The following CSMD2 variants were observed in gnomAD, a reference collection of about 807,000 sequenced individuals.
CSMD2 encodes CUB and sushi domain-containing protein 2.
In CSMD2, 130 loss-of-function variants were observed where a neutral mutation model predicts 398.5. That is an observed-to-expected ratio of 0.33 (90% CI 0.28 to 0.38). The LOEUF (loss-of-function observed/expected upper bound fraction) is 0.38, where lower values mean the gene tolerates loss of function less well. Ranked by LOEUF, CSMD2 falls within the 10% of genes least tolerant of loss-of-function variation. CSMD2 has a pLI of 1.00. For synonymous variants in CSMD2, 1,828 were observed against 1,908.5 expected, an observed-to-expected ratio of 0.96 and a Z score of 1.10; for missense variants, 3,829 against 4,764.9, an observed-to-expected ratio of 0.80 and a Z score of 5.78.
rs193036118 is a variant in CSMD2 at position 33,558,003 on chromosome 1, A to G, written c.8555-81T>C. The G allele has an allele frequency of 3.7e-5, 49 of 1,306,796 alleles. No homozygotes were observed. In the South Asian group the frequency reaches 6.7e-4, roughly 18 times the overall value. 81.0% of individuals were successfully genotyped at this position (1,306,796 alleles called of 1,614,324 possible). A position where few individuals can be genotyped will look rare whatever the true frequency, so the allele number is the denominator to read the frequency against. ...CGAGCAAAACTAGGCAATGAAGCAGACCCTGTCGGGAGGGTGAGCTGGTCC... is the reference window on the plus strand; with the variant it reads ...CGAGCAAAACTAGGCAATGAAGCAGGCCCTGTCGGGAGGGTGAGCTGGTCC... On this transcript the variant is annotated intron_variant, in intron 54 of 70. Transcript: ENST00000373381.
intron 1 of CSMD2, among the ~76,000 whole-genome samples, chr1:34,141,358 G>A (rs753555648): frequency 1.4e-4 from 22 of 152,250 alleles, no homozygotes; most frequent in Non-Finnish European, 2.2e-4. Flanking sequence ...TGCTTGAGAA[G>A]TCAGTAAATG....
chr1:34,124,372 G>A (rs1195214183), intron 1 of CSMD2, among the ~76,000 whole-genome samples: 1 of 152,200 alleles, frequency 6.6e-6, no homozygotes, highest in Non-Finnish European at 1.5e-5. Flanking sequence ...AGAAAGGGAA[G>A]GGCATAGGAG....
chr1:33,533,742 G>T lies in CSMD2; in HGVS notation c.9991+54C>A. 2 of 1,164,900 alleles carry T rather than the reference G, an allele frequency of 1.7e-6. No homozygotes were observed. Among genetic ancestry groups the T allele is most frequent in the Non-Finnish European group, 1.3e-6 (1 of 773,998 alleles). The allele number at this position is 1,164,900 out of a possible 1,614,324, so 72.2% of individuals were successfully genotyped here. ...CAGAGCATTCAAACATGACCCAGAT[G>T]CCCAGCTGGGGCAAGAGGAATTTTC... On this transcript the variant is annotated intron_variant, in intron 63 of 70. Transcript: ENST00000373381. The surrounding 1 kb of genome is among the most constrained non-coding windows in gnomAD (Gnocchi z 4.2).
At chr1:33,532,459 A>G (rs1055956004) in intron 64 of CSMD2, among the ~76,000 whole-genome samples, 2 of 152,122 alleles carry the variant, frequency 1.3e-5, no homozygotes, top group Non-Finnish European at 2.9e-5. Context: ...GTCCTCCCTG[A>G]CTTCTCCTTT....
At chr1:33,686,759 G>T (rs1010865043) in intron 25 of CSMD2, among the ~76,000 whole-genome samples, 6 of 152,194 alleles carry the variant, frequency 3.9e-5, no homozygotes, top group Non-Finnish European at 8.8e-5. Context: ...TGTGCCCCTG[G>T]AAATAGCCTC....
At chr1:33,556,879 T>C (rs1013473311) in intron 55 of CSMD2, among the ~76,000 whole-genome samples, 4 of 152,208 alleles carry the variant, frequency 2.6e-5, no homozygotes, top group Non-Finnish European at 4.4e-5. Flanking sequence ...ACATGTTTGC[T>C]TCTCCTTCCA....
rs1195889419 is a variant in CSMD2 at position 33,622,228 on chromosome 1, G to A, written c.5766C>T (p.Leu1922=). 1.2e-6 allele frequency: 2 copies of A among 1,614,152 alleles called. No homozygotes were observed. Among genetic ancestry groups the A allele is most frequent in the South Asian group, 2.2e-5 (2 of 91,080 alleles). Residue 1922 remains leucine (L), a synonymous_variant, in exon 37 of 71, where the codon CTC becomes CTT. Coordinates refer to ENST00000373381, the MANE Select transcript of CSMD2 (RefSeq NM_001281956.2). ...PALLNSTSNQ[L]YLHFYSDISV... ...TGATATCTGAGTAGAAATGAAGGTA[G>A]AGCTGGTTGGAGGTGCTGTTCAGAA...
intron 33 of CSMD2, among the ~76,000 whole-genome samples, chr1:33,625,801 A>T (rs1642086468): frequency 6.6e-6 from 1 of 152,126 alleles, no homozygotes; most frequent in African/African-American, 2.4e-5. Context: ...AATGAACAGG[A>T]CCATGCTTAG....
intron 2 of CSMD2, among the ~76,000 whole-genome samples, chr1:34,049,218 G>A (rs1652892955): frequency 6.6e-6 from 1 of 152,158 alleles, no homozygotes; most frequent in Non-Finnish European, 1.5e-5. Flanking sequence ...CTTTACCTGT[G>A]GGCCTCATCT....
At chr1:34,149,434 C>G (rs74071237) in intron 1 of CSMD2, among the ~76,000 whole-genome samples, 1,819 of 152,188 alleles carry the variant, frequency 0.012, 35 homozygotes, top group African/African-American at 0.041. Flanking sequence ...CCAACAGGCC[C>G]GAAGAAAACG....
chr1:33,751,070 A>G (rs947172794), intron 13 of CSMD2, among the ~76,000 whole-genome samples: 36 of 152,296 alleles, frequency 2.4e-4, no homozygotes, highest in African/African-American at 8.4e-4. Context: ...AAAGATGTAC[A>G]CTCAACATAG....
In CSMD2 at chr1:33,725,386, C is replaced by G; in HGVS notation, c.2658G>C (p.Lys886Asn). 6.2e-7 allele frequency: 1 copy of G among 1,614,090 alleles called. No homozygotes were observed. Among genetic ancestry groups the G allele is most frequent in the Non-Finnish European group, 8.5e-7 (1 of 1,179,986 alleles). Residue 886 changes from lysine (K) to asparagine (N), a missense_variant, in exon 17 of 71, where the codon AAG becomes AAC. By Grantham distance (94) the Lys-to-Asn change is moderately conservative. Around this residue, in one of 5 missense-constraint regions of CSMD2, gnomAD observed 2,001 missense variants for 2,567.1 expected, o/e 0.78. Transcript: ENST00000373381. ...GCTGGAAGCCGATGTCCGAGTGACT[C>G]TTGTCGGTAGAGAAGAGGAGGTAGA... ...NYLYLLFSTD[K>N]SHSDIGFQLR...
At chr1:34,006,645 G>A (rs745748109) in intron 3 of CSMD2, among the ~76,000 whole-genome samples, 4 of 152,062 alleles carry the variant, frequency 2.6e-5, no homozygotes, top group Non-Finnish European at 5.9e-5. Flanking sequence ...CAAAAGACTT[G>A]GTCCTGTTTA....
intron 47 of CSMD2, among the ~76,000 whole-genome samples, chr1:33,582,328 A>G (rs532270437): frequency 3.3e-5 from 5 of 152,204 alleles, no homozygotes; most frequent in Non-Finnish European, 4.4e-5. Flanking sequence ...GATGTTCCTA[A>G]GGGCAAGGTA....
At chr1:34,160,852 T>A (rs1471199971) in intron 1 of CSMD2, among the ~76,000 whole-genome samples, 1 of 152,154 alleles carries the variant, frequency 6.6e-6, no homozygotes, top group East Asian at 1.9e-4. Flanking sequence ...GCAGGGGAAA[T>A]TTTTTTAATT....
intron 3 of CSMD2, among the ~76,000 whole-genome samples, chr1:33,951,664 C>T (rs1209578435): frequency 6.6e-6 from 1 of 152,188 alleles, no homozygotes; most frequent in Non-Finnish European, 1.5e-5. Flanking sequence ...TAAAACAAAC[C>T]CAGGCACCAT....
At chr1:34,005,172 C>T (rs11576570) in intron 3 of CSMD2, among the ~76,000 whole-genome samples, 19,883 of 152,146 alleles carry the variant, frequency 0.13, 2,180 homozygotes, top group East Asian at 0.4. Flanking sequence ...GAAGAGCTCC[C>T]AAACCCAAGC....
intron 25 of CSMD2, 44 bp downstream of exon 25, chr1:33,692,886 C>G (rs1248904490): frequency 6.2e-7 from 1 of 1,602,432 alleles, no homozygotes; most frequent in Admixed American, 1.7e-5. Context: ...TGATGGCTCC[C>G]CTGAACAACT....
intron 19 of CSMD2, among the ~76,000 whole-genome samples, chr1:33,719,097 C>T (rs1195578579): frequency 6.6e-6 from 1 of 152,090 alleles, no homozygotes; most frequent in Non-Finnish European, 1.5e-5. Flanking sequence ...AACTATGCCT[C>T]ACTGGTTGGG....
Sources: gnomAD v4.1 joint callset for allele counts (sites outside exome capture counted in the v4.1 genomes callset) on GRCh38, gnomAD v4.1.1 for gene constraint, gnomAD v4.1.1 regional missense constraint, Gnocchi (gnomAD v3.1) non-coding constraint, MANE v1.5 for transcripts, NCBI Gene and HGNC (gene_info 2026-07-23, HGNC 2026-07-21) for gene names.